The following PIK3CD variants were observed in gnomAD, a reference collection of about 807,000 sequenced individuals.
PIK3CD encodes the protein phosphatidylinositol 4,5-bisphosphate 3-kinase catalytic subunit delta isoform.
A neutral mutation model predicts 122.9 loss-of-function variants in PIK3CD; 20 were observed. That is an observed-to-expected ratio of 0.16 (90% CI 0.11 to 0.24). The LOEUF is 0.24. Ranked by LOEUF, PIK3CD falls within the 10% of genes least tolerant of loss-of-function variation. The pLI, the probability that PIK3CD is intolerant of heterozygous loss-of-function variation, is 1.00. For missense variants in PIK3CD, 787 were observed against 1,406.3 expected (o/e 0.56, Z 7.04); for synonymous variants, 596 against 593.4 (o/e 1.00, Z -0.06).
At chr1:9,708,743 G>A (rs1646939926) in intron 2 of PIK3CD, among the ~76,000 whole-genome samples, 1 of 151,930 alleles carries the variant, frequency 6.6e-6, no homozygotes, top group Non-Finnish European at 1.5e-5. Flanking sequence ...CAGCTACTCG[G>A]GAGGCTGAGG....
intron 23 of PIK3CD, among the ~76,000 whole-genome samples, chr1:9,726,510 AAAAT>A (rs909638446): frequency 2.0e-5 from 3 of 152,196 alleles, no homozygotes; most frequent in African/African-American, 7.2e-5. Context: ...CTGTCTCAAA[AAAAT>A]GTATATATAC....
chr1:9,661,487 C>T (rs1645006914), intron 1 of PIK3CD, among the ~76,000 whole-genome samples: 1 of 152,190 alleles, frequency 6.6e-6, no homozygotes, highest in Non-Finnish European at 1.5e-5. Context: ...TATATGGGCT[C>T]AAGTGATCCT....
chr1:9,716,721 G>A (rs558861391), intron 6 of PIK3CD, 102 bp downstream of exon 6: 13 of 1,320,954 alleles, frequency 9.8e-6, no homozygotes, highest in South Asian at 7.5e-5. Flanking sequence ...TGAGCCTGCC[G>A]AGCCAGGCCT....
chr1:9,675,968 G>A (rs1021430665), intron 1 of PIK3CD, among the ~76,000 whole-genome samples: 1 of 127,642 alleles, frequency 7.8e-6, no homozygotes, highest in Non-Finnish European at 1.6e-5. Context: ...TCTTGCTCTT[G>A]TCCCCCAGGC....
At chr1:9,705,889 G>GTGGTGTGTTTTAGTAA (rs887347069) in intron 2 of PIK3CD, among the ~76,000 whole-genome samples, 1 of 152,160 alleles carries the variant, frequency 6.6e-6, no homozygotes, top group African/African-American at 2.4e-5. Flanking sequence ...CCACCGTCTT[G>GTGGTGTGTTTTAGTAA]AGGACAGTGT....
intron 23 of PIK3CD, among the ~76,000 whole-genome samples, chr1:9,726,290 T>C (rs572407702): frequency 0.012 from 1,862 of 152,172 alleles, 19 homozygotes; most frequent in Non-Finnish European, 0.018. Context: ...GGGTGAATCA[T>C]GAGGTCAGGA....
At chr1:9,631,287 G>A in the PIK3CD span, among the ~76,000 whole-genome samples, 6 of 152,148 alleles carry the variant, frequency 3.9e-5, no homozygotes, top group South Asian at 2.1e-4. Context: ...CTTCCAGTCC[G>A]TTCAGCTGGC....
chr1:9,675,542 A>G (rs1046695155), intron 1 of PIK3CD, among the ~76,000 whole-genome samples: 2 of 152,058 alleles, frequency 1.3e-5, no homozygotes, highest in Admixed American at 6.6e-5. Flanking sequence ...ACCCTGCACC[A>G]TGCTGCCTCC....
the PIK3CD span, among the ~76,000 whole-genome samples, chr1:9,644,301 G>C: frequency 2.0e-5 from 3 of 152,024 alleles, no homozygotes; most frequent in African/African-American, 4.8e-5. Flanking sequence ...GATCACCTGA[G>C]GTCAGGAGTT....
Position 9,724,788 on chromosome 1 carries a change from T to A in PIK3CD, c.2865-16T>A. On this transcript the variant is annotated splice_polypyrimidine_tract_variant and intron_variant, in intron 22 of 23. Transcript: ENST00000377346. This position sits in a 1 kb window ranked among gnomAD's most constrained non-coding sequence, Gnocchi z 7.3. ...GGAGTTCCCAGAGCCTCACTTCCTC[T>A]GTCCCCTACCTGCAGGTTCCGGGGC... 1.2e-6 allele frequency: 2 copies of A among 1,612,274 alleles called. No homozygotes were observed. Among genetic ancestry groups the A allele is most frequent in the Non-Finnish European group, 1.7e-6 (2 of 1,180,016 alleles).
At position 9,689,215 on chromosome 1, in the gene PIK3CD, G is replaced by A. The variant is rs1337268963; in HGVS notation, c.-137-2252G>A. ...GGCGCTTTCTATTTATTGATTGTAA[G>A]GTGAAACCTAGGCCAGAGCCAGCGT... On this transcript the variant is annotated intron_variant, in intron 1 of 23. Coordinates refer to ENST00000377346, the MANE Select transcript of PIK3CD (RefSeq NM_005026.5). This position sits in a 1 kb window ranked among gnomAD's most constrained non-coding sequence, Gnocchi z 6.1. Among the ~76,000 whole-genome samples, 1 of 152,216 alleles carries A rather than the reference G, an allele frequency of 6.6e-6. No individual in the cohort carries two copies. The highest frequency in any genetic ancestry group is 1.5e-5 in the Non-Finnish European group (1 of 68,036).
At chr1:9,698,505 T>G (rs1225626909) in intron 2 of PIK3CD, among the ~76,000 whole-genome samples, 1 of 152,274 alleles carries the variant, frequency 6.6e-6, no homozygotes, top group African/African-American at 2.4e-5. Context: ...GTCTGTGCAC[T>G]TAATGTGTGG....
the PIK3CD span, among the ~76,000 whole-genome samples, chr1:9,636,960 C>A: frequency 6.6e-6 from 1 of 151,764 alleles, no homozygotes; most frequent in African/African-American, 2.4e-5. Flanking sequence ...TGCAGTGGCC[C>A]GATCTCGGCT....
chr1:9,702,911 A>G (rs1240280230), intron 2 of PIK3CD, among the ~76,000 whole-genome samples: 2 of 152,208 alleles, frequency 1.3e-5, no homozygotes, highest in Non-Finnish European at 2.9e-5. Flanking sequence ...TAAGCGGCCA[A>G]AAACTCAGCT....
intron 2 of PIK3CD, among the ~76,000 whole-genome samples, chr1:9,695,573 A>G (rs554855644): frequency 6.6e-4 from 101 of 152,288 alleles, no homozygotes; most frequent in African/African-American, 2.1e-3. Context: ...GCCAGGCGCA[A>G]TGGCTCACAC....
Position 9,717,659 on chromosome 1 carries a change from G to GT in PIK3CD, c.1020+40dup, listed in dbSNP as rs758319062. 7.5e-6 allele frequency: 12 copies of GT among 1,596,852 alleles called. No individual in the cohort carries two copies. Among genetic ancestry groups the GT allele is most frequent in the Non-Finnish European group, 1.0e-5 (12 of 1,165,010 alleles). ...TCCTGGGATAGGTGGGAGAGACACT[G>GT]TTTTTTTGCACAAACAAGGTGGCTG... On this transcript the variant is annotated intron_variant, in intron 8 of 23. Transcript: ENST00000377346. The surrounding 1 kb of genome is among the most constrained non-coding windows in gnomAD (Gnocchi z 5.4).
At chr1:9,679,590 A>G (rs1377405435) in intron 1 of PIK3CD, among the ~76,000 whole-genome samples, 1 of 151,660 alleles carries the variant, frequency 6.6e-6, no homozygotes, top group Admixed American at 6.6e-5. Context: ...TCAGGCATGA[A>G]GAAGGCCCCT....
rs762697236 is a variant in PIK3CD at position 9,717,576 on chromosome 1, C to G, written c.970C>G (p.Arg324Gly). 8.1e-6 allele frequency: 13 copies of G among 1,614,002 alleles called. No individual in the cohort carries two copies. The Admixed American group carries it at 1.2e-4, about 14-fold the overall frequency. The change falls in exon 8 of 24, where the codon CGC (arginine) becomes GGC (glycine). Residue 324 changes from arginine (R) to glycine (G), a missense_variant. By Grantham distance (125) the Arg-to-Gly change is moderately radical. Coordinates refer to ENST00000377346, the MANE Select transcript of PIK3CD (RefSeq NM_005026.5). This position sits in a 1 kb window ranked among gnomAD's most constrained non-coding sequence, Gnocchi z 5.4. ...VSLWSLEQPF[R>G]IELIQGSKVN... The stretch of plus-strand genomic sequence containing the variant: ...CCTGTGGTCCCTGGAGCAGCCGTTC[C>G]GCATCGAGCTCATCCAGGGCAGCAA...
chr1:9,718,186 C>T lies in PIK3CD; in HGVS notation c.1021-508C>T. ...TGGCCCTCCTGCCTGGAGTGTGTTT[C>T]ACTGGGGAAATCGTATAAGCAGGGC... is the stretch of plus-strand genomic sequence containing the variant. On this transcript the variant is annotated intron_variant, in intron 8 of 23. Transcript: ENST00000377346. This position sits in a 1 kb window ranked among gnomAD's most constrained non-coding sequence, Gnocchi z 7.2. The T allele has an allele frequency of 2.2e-6, 1 of 465,030 alleles. No homozygotes were observed. Among genetic ancestry groups the T allele is most frequent in the South Asian group, 1.5e-5 (1 of 64,642 alleles). The allele number at this position is 465,030 out of a possible 1,614,324, so 28.8% of individuals were successfully genotyped here.
Sources: gnomAD v4.1 joint callset for allele counts (sites outside exome capture counted in the v4.1 genomes callset) on GRCh38, gnomAD v4.1.1 for gene constraint, Gnocchi (gnomAD v3.1) non-coding constraint, MANE v1.5 for transcripts, NCBI Gene and HGNC (gene_info 2026-07-23, HGNC 2026-07-21) for gene names.